The following OPA1 variants were observed in gnomAD, a reference collection of about 807,000 sequenced individuals.
OPA1 encodes dynamin-like GTPase OPA1, mitochondrial.
A neutral mutation model predicts 152.9 loss-of-function variants in OPA1; 59 were observed. The observed-to-expected ratio is 0.39, with a 90% CI of 0.31 to 0.48. OPA1 has a LOEUF of 0.48. Ranked by LOEUF, OPA1 falls within the 20% of genes least tolerant of loss-of-function variation. OPA1 has a pLI of 0.96. For missense variants in OPA1, 1,008 were observed against 1,216.8 expected, an observed-to-expected ratio of 0.83 and a Z score of 2.55; for synonymous variants, 400 against 389.9, an observed-to-expected ratio of 1.03 and a Z score of -0.31.
chr3:193,630,681 T>C (rs553340451), intron 7 of OPA1, among the ~76,000 whole-genome samples: 4 of 152,300 alleles, frequency 2.6e-5, no homozygotes, highest in South Asian at 4.1e-4. Context: ...TTACAAGTTT[T>C]GATTTTCAGA....
chr3:193,687,983 G>C (rs890157797), intron 29 of OPA1, among the ~76,000 whole-genome samples: 2 of 151,952 alleles, frequency 1.3e-5, no homozygotes, highest in Non-Finnish European at 2.9e-5. Flanking sequence ...TGTGTTGCTT[G>C]TCTGGTTCAG....
intron 5 of OPA1, among the ~76,000 whole-genome samples, chr3:193,618,205 G>A (rs759764677): frequency 3.3e-5 from 5 of 152,218 alleles, no homozygotes; most frequent in Non-Finnish European, 7.4e-5. Flanking sequence ...CCGGCCGGGC[G>A]CGGTGGCTCA....
intron 29 of OPA1, among the ~76,000 whole-genome samples, chr3:193,670,060 A>G (rs896150407): frequency 2.0e-5 from 3 of 152,310 alleles, no homozygotes; most frequent in African/African-American, 7.2e-5. Context: ...TAGTTGGAAA[A>G]GAGTCTGGAG....
At chr3:193,626,019 C>T (rs1731058335) in intron 6 of OPA1, 73 bp from the exon 7 acceptor site, 15 of 1,136,742 alleles carry the variant, frequency 1.3e-5, no homozygotes, top group Non-Finnish European at 2.0e-5. Context: ...ACATCTGTTC[C>T]TTTGTTGCAC....
At chr3:193,593,469 C>T (rs1194794356) in intron 1 of OPA1, 60 bp downstream of exon 1, 2 of 1,432,474 alleles carry the variant, frequency 1.4e-6, no homozygotes, top group African/African-American at 2.9e-5. Flanking sequence ...GTGGGGCTGT[C>T]TTATCTCTAT....
At chr3:193,640,967 T>C (rs1220697393) in intron 11 of OPA1, among the ~76,000 whole-genome samples, 1 of 152,166 alleles carries the variant, frequency 6.6e-6, no homozygotes, top group Non-Finnish European at 1.5e-5. Context: ...GTGTTATGTG[T>C]TACTAGTTCT....
chr3:193,653,588 A>G (rs1411481216), intron 21 of OPA1, among the ~76,000 whole-genome samples: 1 of 152,140 alleles, frequency 6.6e-6, no homozygotes, highest in Non-Finnish European at 1.5e-5. Flanking sequence ...TTCTTTTAAG[A>G]TGTCTTTCAA....
At chr3:193,634,079 TA>T (rs761146222) in intron 8 of OPA1, among the ~76,000 whole-genome samples, 2 of 152,202 alleles carry the variant, frequency 1.3e-5, no homozygotes, top group East Asian at 3.9e-4. Context: ...TCCAATAAGC[TA>T]AAAAAATTGT....
At chr3:193,643,296 T>C (rs1480073961) in intron 13 of OPA1, 77 bp from the exon 14 acceptor site, 2 of 1,187,146 alleles carry the variant, frequency 1.7e-6, no homozygotes, top group South Asian at 1.2e-5. Context: ...ATTTTTAGAA[T>C]ACATTTCACC....
intron 1 of OPA1, among the ~76,000 whole-genome samples, chr3:193,596,365 A>ATTTTTTCTTTTCTTTTC (rs1725554344): frequency 1.5e-5 from 1 of 68,078 alleles, no homozygotes; most frequent in African/African-American, 5.7e-5. Flanking sequence ...TCTTTTCTTA[A>ATTTTTTCTTTTCTTTTC]TTTTCTTTTC....
intron 25 of OPA1, 120 bp downstream of exon 25, chr3:193,659,681 T>G (rs1714755859): frequency 1.4e-6 from 1 of 734,560 alleles, no homozygotes; most frequent in Admixed American, 2.8e-5. Context: ...ATGTTTTATA[T>G]CATACTTTCT....
At chr3:193,660,121 G>T (rs1714892844) in intron 25 of OPA1, among the ~76,000 whole-genome samples, 1 of 152,084 alleles carries the variant, frequency 6.6e-6, no homozygotes, top group Non-Finnish European at 1.5e-5. Context: ...GAAAAAAATA[G>T]TAAGGTTTTC....
chr3:193,654,946 G>A lies in OPA1; in HGVS notation c.2097G>A (p.Met699Ile). 6.2e-7 allele frequency: 1 copy of A among 1,613,914 alleles called. No homozygotes were observed. The highest frequency in any genetic ancestry group is 8.5e-7 in the Non-Finnish European group (1 of 1,179,914). The change falls in exon 22 of 31, where the codon ATG (methionine) becomes ATA (isoleucine). Residue 699 changes from methionine (M) to isoleucine (I), a missense_variant. Met to Ile is a conservative substitution (Grantham distance 10). Around this residue, in one of 7 missense-constraint regions of OPA1, gnomAD observed 229 missense variants for 269.0 expected, o/e 0.85. Coordinates refer to ENST00000361510, the MANE Select transcript of OPA1 (RefSeq NM_130837.3). ...ENIYLPAAQT[M>I]NSGTFNTTVD... ...TCTACCTTCCAGCTGCGCAGACCAT[G>A]AATTCAGGAACTTTTAACACCACAG...
At chr3:193,615,139 TA>T in intron 2 of OPA1, 98 bp downstream of exon 2, 2 of 953,566 alleles carry the variant, frequency 2.1e-6, no homozygotes, top group Admixed American at 3.5e-5. Flanking sequence ...ATTGGATGTT[TA>T]AACATTTATT....
At chr3:193,635,066 A>G (rs187442872) in intron 8 of OPA1, among the ~76,000 whole-genome samples, 2 of 152,336 alleles carry the variant, frequency 1.3e-5, no homozygotes, top group East Asian at 1.9e-4. Context: ...TAATGTGAAG[A>G]CTTAAAATTT....
At chr3:193,626,042 A>G in intron 6 of OPA1, 50 bp from the exon 7 acceptor site, 1 of 1,403,846 alleles carries the variant, frequency 7.1e-7, no homozygotes, top group Middle Eastern at 1.9e-4. Flanking sequence ...TTGGTTTAAC[A>G]TTATTCTCCT....
intron 1 of OPA1, among the ~76,000 whole-genome samples, chr3:193,611,720 A>G (rs1418386910): frequency 2.0e-5 from 3 of 152,124 alleles, no homozygotes; most frequent in Non-Finnish European, 4.4e-5. Context: ...TCCATTTATA[A>G]GTAAAGCAGT....
intron 29 of OPA1, among the ~76,000 whole-genome samples, chr3:193,674,287 G>A (rs977437983): frequency 6.6e-6 from 1 of 152,182 alleles, no homozygotes; most frequent in Non-Finnish European, 1.5e-5. Context: ...GTCTGCATGA[G>A]ATTCTAAAAC....
At chr3:193,655,582 C>G (rs1035253711) in intron 22 of OPA1, among the ~76,000 whole-genome samples, 2 of 152,170 alleles carry the variant, frequency 1.3e-5, no homozygotes, top group African/African-American at 4.8e-5. Flanking sequence ...GATCCTTTGC[C>G]TAGTTGCTTA....
Sources: gnomAD v4.1 joint callset for allele counts (sites outside exome capture counted in the v4.1 genomes callset) on GRCh38, gnomAD v4.1.1 for gene constraint, gnomAD v4.1.1 regional missense constraint, MANE v1.5 for transcripts, NCBI Gene and HGNC (gene_info 2026-07-23, HGNC 2026-07-21) for gene names.